EDA: variants seen among roughly 807,000 people sequenced by gnomAD.
EDA encodes ectodysplasin A, also known as ectodysplasin-A.
A neutral mutation model predicts 23.6 loss-of-function variants in EDA; 2 were observed. The observed-to-expected ratio is 0.08, with a 90% CI of 0.03 to 0.27. The LOEUF (loss-of-function observed/expected upper bound fraction) is 0.27, where lower values mean the gene tolerates loss of function less well. Among genes scored for constraint, EDA ranks in the 10% least tolerant of loss-of-function variants. EDA has a pLI of 1.00. For missense variants in EDA, 229 were observed against 324.2 expected, an observed-to-expected ratio of 0.71 and a Z score of 2.26; for synonymous variants, 131 against 132.0, an observed-to-expected ratio of 0.99 and a Z score of 0.05.
At chrX:69,711,627 C>G (rs2012042384) in intron 1 of EDA, among the ~76,000 whole-genome samples, 2 of 111,267 alleles carry the variant, frequency 1.8e-5, no homozygotes, top group South Asian at 3.7e-4. Context: ...TGGTCCTGGA[C>G]TTTTTTTGGT....
chrX:69,619,929 C>T (rs1932115718), intron 1 of EDA, among the ~76,000 whole-genome samples: 1 of 111,613 alleles, frequency 9.0e-6, no homozygotes. Flanking sequence ...AGATTGGCTT[C>T]TACAATCAGA....
chrX:69,884,308 T>C (rs1385434459), intron 1 of EDA, among the ~76,000 whole-genome samples: 1 of 111,655 alleles, frequency 9.0e-6, no homozygotes, highest in Non-Finnish European at 1.9e-5. Flanking sequence ...AATGGTTGCC[T>C]AGGGGTAGAG....
intron 1 of EDA, among the ~76,000 whole-genome samples, chrX:69,644,688 T>A (rs1161768868): frequency 3.6e-5 from 4 of 111,575 alleles, no homozygotes; most frequent in Non-Finnish European, 7.5e-5. Flanking sequence ...CCTTGTCTTG[T>A]GCCAGTTTTC....
At chrX:69,640,828 T>A (rs988047209) in intron 1 of EDA, among the ~76,000 whole-genome samples, 2 of 111,505 alleles carry the variant, frequency 1.8e-5, no homozygotes, top group Non-Finnish European at 3.8e-5. Context: ...TTTGAGGATC[T>A]ACCATGGGCC....
At chrX:69,995,433 A>G (rs2019642977) in intron 2 of EDA, among the ~76,000 whole-genome samples, 1 of 112,483 alleles carries the variant, frequency 8.9e-6, no homozygotes, top group Non-Finnish European at 1.9e-5. Flanking sequence ...CAGTGAAGTC[A>G]CCAGGTCTTC....
At chrX:69,705,223 C>CAAAAAAA (rs545649412) in intron 1 of EDA, among the ~76,000 whole-genome samples, 1 of 58,877 alleles carries the variant, frequency 1.7e-5, no homozygotes. Flanking sequence ...AACTCCATCT[C>CAAAAAAA]AAAAAAAAAA....
chrX:69,888,978 T>TATA lies in EDA; in HGVS notation c.397-68049_397-68048insATA, dbSNP rs1556026049. 3.0e-3 allele frequency among the ~76,000 whole-genome samples: 48 copies of TATA among 16,011 alleles called. 4 individuals are homozygous for TATA. The highest frequency in any genetic ancestry group is 0.011 in the South Asian group (2 of 177). The allele number at this position is 16,011 out of a possible 115,157, so 13.9% of individuals were successfully genotyped here. Reference sequence around the variant, plus strand: ...GTGGAATTGTTGTATTGTGGGGTAGTTATATATATATATATATATATATAT... The same window carrying TATA: ...GTGGAATTGTTGTATTGTGGGGTAGTATATATATATATATATATATATATATAT... On this transcript the variant is annotated intron_variant, in intron 1 of 7. Transcript: ENST00000374552.
Position 69,824,840 on chromosome X carries a change from A to T in EDA, c.397-132187A>T, listed in dbSNP as rs1479306359. Among the ~76,000 whole-genome samples, 82 of 57,070 alleles carry T rather than the reference A, an allele frequency of 1.4e-3. 1 individual carries two copies. The highest frequency in any genetic ancestry group is 0.012 in the Middle Eastern group (2 of 166). 49.6% of individuals were successfully genotyped at this position (57,070 alleles called of 115,157 possible). A position where few individuals can be genotyped will look rare whatever the true frequency, so the allele number is the denominator to read the frequency against. Reference sequence around the variant, plus strand: ...GTATGATATTGGCTGTGGGTTTGTCATAGGTAGCTCTTATTATTTTGAGAT... The same window carrying T: ...GTATGATATTGGCTGTGGGTTTGTCTTAGGTAGCTCTTATTATTTTGAGAT... On this transcript the variant is annotated intron_variant, in intron 1 of 7. Coordinates refer to ENST00000374552, the MANE Select transcript of EDA (RefSeq NM_001399.5).
chrX:69,828,584 G>A (rs1000288972), intron 1 of EDA, among the ~76,000 whole-genome samples: 1 of 111,843 alleles, frequency 8.9e-6, no homozygotes. Flanking sequence ...TGCACCCACT[G>A]ACCTGTGCCC....
At chrX:69,711,998 G>T (rs1450900714) in intron 1 of EDA, among the ~76,000 whole-genome samples, 1 of 110,778 alleles carries the variant, frequency 9.0e-6, no homozygotes, top group African/African-American at 3.3e-5. Flanking sequence ...ATTTCCTTCA[G>T]TTCTGCTCTG....
At chrX:69,644,275 AT>A (rs1386384875) in intron 1 of EDA, among the ~76,000 whole-genome samples, 4 of 110,370 alleles carry the variant, frequency 3.6e-5, no homozygotes, top group African/African-American at 1.3e-4. Flanking sequence ...GTCCTCTCTG[AT>A]TTCCTTGAGC....
At chrX:69,788,887 C>G (rs1381403949) in intron 1 of EDA, among the ~76,000 whole-genome samples, 186 of 112,920 alleles carry the variant, frequency 1.6e-3, no homozygotes, top group Non-Finnish European at 2.9e-3. Context: ...GCCCCTCCCC[C>G]AGCCTCGCTG....
At chrX:69,647,294 C>T in intron 1 of EDA, among the ~76,000 whole-genome samples, 1 of 111,702 alleles carries the variant, frequency 9.0e-6, no homozygotes, top group Non-Finnish European at 1.9e-5. Flanking sequence ...TGTTTTCCAG[C>T]TTGGTTCCAT....
chrX:69,932,571 T>C (rs745553231), intron 1 of EDA, among the ~76,000 whole-genome samples: 2 of 112,221 alleles, frequency 1.8e-5, no homozygotes, highest in Admixed American at 9.4e-5. Context: ...GATTTAAATT[T>C]AGTAATGGCA....
intron 1 of EDA, among the ~76,000 whole-genome samples, chrX:69,837,595 C>T (rs2016807046): frequency 8.9e-6 from 1 of 112,486 alleles, no homozygotes; most frequent in Non-Finnish European, 1.9e-5. Flanking sequence ...TTTCTACTCA[C>T]TCTGTAACAT....
chrX:69,756,555 C>G (rs1178041525), intron 1 of EDA, among the ~76,000 whole-genome samples: 1 of 111,763 alleles, frequency 8.9e-6, no homozygotes, highest in East Asian at 2.8e-4. Flanking sequence ...AGGTTCAACT[C>G]TACCTAAACG....
At chrX:70,032,250 G>A (rs1418342745) in intron 6 of EDA, among the ~76,000 whole-genome samples, 1 of 106,562 alleles carries the variant, frequency 9.4e-6, no homozygotes, top group Non-Finnish European at 1.9e-5. Flanking sequence ...CAGAGTGAGT[G>A]ACAGTCCATC....
intron 2 of EDA, among the ~76,000 whole-genome samples, chrX:70,019,090 A>C (rs2019994675): frequency 8.9e-6 from 1 of 112,400 alleles, no homozygotes; most frequent in African/African-American, 3.2e-5. Flanking sequence ...GCACATGAAA[A>C]AATGCTCAGC....
intron 1 of EDA, among the ~76,000 whole-genome samples, chrX:69,808,914 A>T (rs2015876623): frequency 8.9e-6 from 1 of 111,810 alleles, no homozygotes. Flanking sequence ...ATTCATTTTC[A>T]TTAGGTTTGG....
Sources: allele counts gnomAD v4.1 joint callset (sites outside exome capture counted in the v4.1 genomes callset), GRCh38; gene constraint gnomAD v4.1.1; transcripts MANE v1.5; gene names NCBI Gene and HGNC (gene_info 2026-07-23, HGNC 2026-07-21).